Variants in AKAP19 observed in about 807,000 individuals in gnomAD.
AKAP19 encodes the protein A-kinase anchoring protein 19.
At chr2:190,051,367 T>C in the AKAP19 span, among the ~76,000 whole-genome samples, 1 of 152,162 alleles carries the variant, frequency 6.6e-6, no homozygotes, top group African/African-American at 2.4e-5. Flanking sequence ...TCAATATATA[T>C]ATGGCCAGAT....
the AKAP19 span, among the ~76,000 whole-genome samples, chr2:190,094,350 C>T: frequency 6.6e-6 from 1 of 152,076 alleles, no homozygotes; most frequent in Non-Finnish European, 1.5e-5. Context: ...TTCAGCAGTC[C>T]TATGAGGCTG....
At chr2:189,923,385 G>A in the AKAP19 span, 1,482 of 1,612,562 alleles carry the variant, frequency 9.2e-4, 15 homozygotes, top group African/African-American at 0.018. Context: ...ATGAACTCCC[G>A]TGTATTCATT....
the AKAP19 span, among the ~76,000 whole-genome samples, chr2:189,999,768 A>T: frequency 1.3e-5 from 2 of 152,214 alleles, no homozygotes; most frequent in East Asian, 3.9e-4. Context: ...TTTTGGTACC[A>T]CATGTTCTCA....
At chr2:190,187,743 A>G in the AKAP19 span, among the ~76,000 whole-genome samples, 3 of 152,164 alleles carry the variant, frequency 2.0e-5, no homozygotes, top group Non-Finnish European at 2.9e-5. Context: ...AGTCGCAGGT[A>G]CTCAGGAGGC....
At chr2:189,912,690 A>G in the AKAP19 span, among the ~76,000 whole-genome samples, 4 of 152,220 alleles carry the variant, frequency 2.6e-5, no homozygotes, top group Non-Finnish European at 5.9e-5. Flanking sequence ...TAATTTATGA[A>G]TCAGTCAGTC....
At chr2:190,193,251 T>C in the AKAP19 span, among the ~76,000 whole-genome samples, 12 of 152,136 alleles carry the variant, frequency 7.9e-5, no homozygotes, top group African/African-American at 2.9e-4. Context: ...TAGTGAATTA[T>C]ATCTATTGTC....
chr2:189,988,622 T>C, the AKAP19 span, among the ~76,000 whole-genome samples: 1 of 152,194 alleles, frequency 6.6e-6, no homozygotes, highest in Non-Finnish European at 1.5e-5. Flanking sequence ...GAATATTACA[T>C]TGTGTTCCAT....
the AKAP19 span, among the ~76,000 whole-genome samples, chr2:190,136,908 G>T: frequency 1.3e-5 from 2 of 152,216 alleles, no homozygotes; most frequent in Non-Finnish European, 2.9e-5. Context: ...TTTTAAGTCT[G>T]AAGGACCAGG....
At chr2:189,913,747 GA>G in the AKAP19 span, among the ~76,000 whole-genome samples, 6 of 152,034 alleles carry the variant, frequency 3.9e-5, no homozygotes, top group South Asian at 4.1e-4. Flanking sequence ...ATTTGATATA[GA>G]ACAGTTGCTA....
chr2:190,155,747 G>A, the AKAP19 span, among the ~76,000 whole-genome samples: 3 of 152,134 alleles, frequency 2.0e-5, no homozygotes, highest in African/African-American at 7.2e-5. Context: ...CTTTAGAATA[G>A]TCATTGGAAT....
chr2:190,095,237 A>G, the AKAP19 span, among the ~76,000 whole-genome samples: 2 of 152,184 alleles, frequency 1.3e-5, no homozygotes, highest in African/African-American at 4.8e-5. Flanking sequence ...AAAAGTAAAT[A>G]ACCAGGACAA....
the AKAP19 span, among the ~76,000 whole-genome samples, chr2:189,986,994 A>G: frequency 6.6e-6 from 1 of 152,186 alleles, no homozygotes; most frequent in East Asian, 1.9e-4. Flanking sequence ...AACATGTCCA[A>G]AAAACCCCGT....
At chr2:190,032,245 C>G in the AKAP19 span, among the ~76,000 whole-genome samples, 1 of 152,030 alleles carries the variant, frequency 6.6e-6, no homozygotes, top group East Asian at 1.9e-4. Context: ...TGACATAACT[C>G]TAAATTATAT....
chr2:190,025,196 G>A, the AKAP19 span, among the ~76,000 whole-genome samples: 9 of 152,250 alleles, frequency 5.9e-5, no homozygotes, highest in Admixed American at 2.6e-4. Context: ...AATACAGGGT[G>A]TTCTTTCTAA....
chr2:190,165,966 C>A, the AKAP19 span, among the ~76,000 whole-genome samples: 4 of 152,052 alleles, frequency 2.6e-5, no homozygotes, highest in African/African-American at 9.7e-5. Context: ...TAAAATATTT[C>A]AGAAAGAATG....
chr2:190,173,117 A>AAAAAT, the AKAP19 span, among the ~76,000 whole-genome samples: 5 of 149,426 alleles, frequency 3.3e-5, no homozygotes, highest in Non-Finnish European at 6.0e-5. Context: ...TCCATCTCAA[A>AAAAAT]AAAAATAAAA....
At chr2:190,060,204 A>T in the AKAP19 span, 1 of 1,613,114 alleles carries the variant, frequency 6.2e-7, no homozygotes, top group Non-Finnish European at 8.5e-7. Flanking sequence ...GCTCTGCCAA[A>T]TACCAGTGCC....
At chr2:190,070,148 C>T in the AKAP19 span, among the ~76,000 whole-genome samples, 49,202 of 151,906 alleles carry the variant, frequency 0.32, 10,847 homozygotes, top group African/African-American at 0.63. Context: ...TCCATGGTTC[C>T]GGCTTGGCAA....
At chr2:190,016,276 T>A in the AKAP19 span, among the ~76,000 whole-genome samples, 1 of 152,162 alleles carries the variant, frequency 6.6e-6, no homozygotes. Flanking sequence ...CAGTTCCACA[T>A]GGCTGGGGAG....
Sources: allele counts gnomAD v4.1 joint callset (sites outside exome capture counted in the v4.1 genomes callset), GRCh38; gene constraint gnomAD v4.1.1; transcripts MANE v1.5; gene names NCBI Gene and HGNC (gene_info 2026-07-23, HGNC 2026-07-21).